Variants in RGS17 observed in about 807,000 individuals in gnomAD.
The protein encoded by RGS17 is regulator of G-protein signaling 17.
Under a neutral mutation model 25.5 loss-of-function variants are expected in RGS17, and 12 were observed. The observed-to-expected ratio is 0.47, with a 90% confidence interval of 0.30 to 0.76. The LOEUF (loss-of-function observed/expected upper bound fraction) is 0.76, where lower values mean the gene tolerates loss of function less well. Ranked by LOEUF, RGS17 falls within the 30% of genes least tolerant of loss-of-function variation. RGS17 has a pLI of 0.07. For missense variants in RGS17, 196 were observed against 242.2 expected, an observed-to-expected ratio of 0.81 and a Z score of 1.27; for synonymous variants, 71 against 76.9, an observed-to-expected ratio of 0.92 and a Z score of 0.40.
intron 3 of RGS17, among the ~76,000 whole-genome samples, chr6:153,025,506 A>C (rs1779290264): frequency 6.6e-6 from 1 of 151,650 alleles, no homozygotes; most frequent in African/African-American, 2.4e-5. Flanking sequence ...TTATACATTA[A>C]AGAAGTAGAA....
At chr6:153,015,951 C>G (rs1032715550) in intron 4 of RGS17, among the ~76,000 whole-genome samples, 1 of 152,154 alleles carries the variant, frequency 6.6e-6, no homozygotes, top group African/African-American at 2.4e-5. Context: ...CCGCGCCCAG[C>G]CAAGCATATC....
chr6:153,110,848 T>A (rs191522774), intron 1 of RGS17, among the ~76,000 whole-genome samples: 1 of 152,188 alleles, frequency 6.6e-6, no homozygotes, highest in Non-Finnish European at 1.5e-5. Flanking sequence ...GGGAACTCCC[T>A]CCCCTAGCCA....
intron 1 of RGS17, among the ~76,000 whole-genome samples, chr6:153,054,042 T>TATATATGTATATAATATATACATATATAC (rs1440159235): frequency 6.0e-5 from 3 of 49,862 alleles, no homozygotes; most frequent in East Asian, 7.1e-4. Context: ...TACATATATA[T>TATATATGTATATAATATATACATATATAC]GTATATATGT....
chr6:153,009,356 T>C lies in RGS17; in HGVS notation c.*2218A>G, dbSNP rs1411486788. On this transcript the variant is annotated 3_prime_UTR_variant, in exon 5 of 5. Transcript: ENST00000206262. ...TGAGCCTCACACACAGAAACAAATA[T>C]GATACTACACCATACATGTGTATAT... 6.6e-6 allele frequency: 1 copy of C among 152,080 alleles called. No individual in the cohort carries two copies. Among genetic ancestry groups the C allele is most frequent in the African/African-American group, 2.4e-5 (1 of 41,436 alleles). 9.4% of individuals were successfully genotyped at this position (152,080 alleles called of 1,614,324 possible).
chr6:153,030,719 A>T (rs1779352687), intron 2 of RGS17, among the ~76,000 whole-genome samples: 1 of 152,210 alleles, frequency 6.6e-6, no homozygotes, highest in Non-Finnish European at 1.5e-5. Flanking sequence ...TATCACAGTA[A>T]ATACTAGAGG....
intron 1 of RGS17, among the ~76,000 whole-genome samples, chr6:153,067,675 G>T (rs1473960853): frequency 3.3e-5 from 5 of 152,048 alleles, no homozygotes; most frequent in African/African-American, 1.2e-4. Context: ...CCAAAAAATG[G>T]AAAGTTATTT....
intron 2 of RGS17, among the ~76,000 whole-genome samples, chr6:153,033,357 TAAAC>T (rs1352066722): frequency 6.6e-6 from 1 of 152,174 alleles, no homozygotes; most frequent in African/African-American, 2.4e-5. Flanking sequence ...TTATTTAGCA[TAAAC>T]AGAGTTTATT....
intron 1 of RGS17, among the ~76,000 whole-genome samples, chr6:153,115,661 C>T (rs1777533621): frequency 1.3e-5 from 2 of 152,288 alleles, no homozygotes; most frequent in South Asian, 4.1e-4. Context: ...ATCACACTAC[C>T]TGACTTCAAA....
intron 1 of RGS17, among the ~76,000 whole-genome samples, chr6:153,114,663 C>T (rs536011419): frequency 3.0e-4 from 45 of 152,216 alleles, no homozygotes; most frequent in African/African-American, 9.6e-4. Context: ...TGATGAACAT[C>T]GACGCGAAAA....
At chr6:153,120,374 A>G (rs1777609131) in intron 1 of RGS17, among the ~76,000 whole-genome samples, 2 of 152,244 alleles carry the variant, frequency 1.3e-5, no homozygotes, top group South Asian at 4.1e-4. Flanking sequence ...CTCATAGGCT[A>G]AAATGCTCCC....
chr6:153,015,814 C>T (rs867048712), intron 4 of RGS17, among the ~76,000 whole-genome samples: 4 of 151,972 alleles, frequency 2.6e-5, no homozygotes, highest in African/African-American at 7.2e-5. Flanking sequence ...CCACCACGCC[C>T]GGCTAATTTT....
chr6:153,099,343 A>C (rs1348125845), intron 1 of RGS17, among the ~76,000 whole-genome samples: 1 of 152,188 alleles, frequency 6.6e-6, no homozygotes, highest in Non-Finnish European at 1.5e-5. Flanking sequence ...CTTTTAATTA[A>C]TCTTTATTTG....
chr6:153,034,373 G>A (rs956233623), intron 2 of RGS17, among the ~76,000 whole-genome samples: 8 of 152,164 alleles, frequency 5.3e-5, no homozygotes, highest in Non-Finnish European at 1.2e-4. Context: ...TGGGAAGCGC[G>A]AAGTGATACA....
intron 3 of RGS17, 25 bp downstream of exon 3, chr6:153,026,429 A>G: frequency 6.5e-7 from 1 of 1,542,036 alleles, no homozygotes; most frequent in Non-Finnish European, 9.0e-7. Context: ...GCAAGAAACA[A>G]TAGCTATGTG....
chr6:153,065,940 A>T (rs1292702797), intron 1 of RGS17, among the ~76,000 whole-genome samples: 1 of 152,122 alleles, frequency 6.6e-6, no homozygotes, highest in East Asian at 1.9e-4. Context: ...ATCAGAGAGA[A>T]ATAAATGAAT....
intron 2 of RGS17, 98 bp downstream of exon 2, chr6:153,043,802 C>A: frequency 3.0e-6 from 2 of 670,774 alleles, no homozygotes; most frequent in East Asian, 3.0e-5. Flanking sequence ...CAAAAAAAGA[C>A]ATGTTGAGCA....
chr6:153,026,496 G>A lies in RGS17; in HGVS notation c.167C>T (p.Thr56Ile). The A allele has an allele frequency of 6.2e-7, 1 of 1,613,522 alleles. No homozygotes were observed. The highest frequency in any genetic ancestry group is 8.5e-7 in the Non-Finnish European group (1 of 1,179,586). ...EERGENAGRP[T>I]HTTKMESIQV... is the part of the protein sequence containing the mutation. Reference sequence around the variant, plus strand: ...GATACTCTCCATTTTTGTAGTGTGTGTGGGTCTTCCCGCATTTTCCCCTCT... The same window carrying A: ...GATACTCTCCATTTTTGTAGTGTGTATGGGTCTTCCCGCATTTTCCCCTCT... Residue 56 changes from threonine to isoleucine, a missense_variant, in exon 3 of 5, where the codon ACA becomes ATA. By Grantham distance (89) the Thr-to-Ile change is moderately conservative (BLOSUM62 -1). Around this residue, in one of 2 missense-constraint regions of RGS17, gnomAD observed 179 missense variants for 197.6 expected, o/e 0.91. Transcript: ENST00000206262.
chr6:153,113,824 A>G (rs955942294), intron 1 of RGS17, among the ~76,000 whole-genome samples: 1 of 152,144 alleles, frequency 6.6e-6, no homozygotes, highest in African/African-American at 2.4e-5. Flanking sequence ...TGCTCCTGAA[A>G]GACTACCGCG....
intron 1 of RGS17, among the ~76,000 whole-genome samples, chr6:153,056,928 A>T (rs1189368974): frequency 6.6e-6 from 1 of 151,312 alleles, no homozygotes; most frequent in African/African-American, 2.4e-5. Flanking sequence ...CAAAATAAGT[A>T]TTAATTATTG....
Sources: allele counts gnomAD v4.1 joint callset (sites outside exome capture counted in the v4.1 genomes callset), GRCh38; gene constraint gnomAD v4.1.1; regional missense constraint gnomAD v4.1.1; transcripts MANE v1.5; gene names NCBI Gene and HGNC (gene_info 2026-07-23, HGNC 2026-07-21).